C12orf43: variants seen among roughly 807,000 people sequenced by gnomAD.
The protein encoded by C12orf43 is chromosome 12 open reading frame 43, also known as protein CUSTOS.
Under a neutral mutation model 20.6 loss-of-function variants are expected in C12orf43, and 15 were observed. The ratio of observed to expected loss-of-function variants is 0.73; its 90% CI spans 0.49 to 1.12. The LOEUF (loss-of-function observed/expected upper bound fraction) is 1.12. Among genes scored for constraint, C12orf43 ranks in the 50% most tolerant of loss-of-function variants. The probability of loss-of-function intolerance (pLI) is 0.00; values close to 1 mark genes in which losing one functional copy is unlikely to be tolerated. For synonymous variants in C12orf43, 144 were observed against 130.8 expected (o/e 1.10, Z -0.69); for missense variants, 334 against 344.4 (o/e 0.97, Z 0.24).
Position 121,003,968 on chromosome 12 carries a change from A to T in C12orf43, c.*185T>A. 1 of 661,686 alleles carries T rather than the reference A, an allele frequency of 1.5e-6. No homozygotes were observed. The highest frequency in any genetic ancestry group is 2.7e-5 in the East Asian group (1 of 37,174). The allele number at this position is 661,686 out of a possible 1,614,324, so 41.0% of individuals were successfully genotyped here. A position where few individuals can be genotyped will look rare whatever the true frequency, so the allele number is the denominator to read the frequency against. ...GCCTTGATTGGTCTTCTCACCCTAC[A>T]GCCACTTTTTTGGCCCAACTCTCGA... On this transcript the variant is annotated 3_prime_UTR_variant, in exon 6 of 6. Coordinates refer to ENST00000288757, the MANE Select transcript of C12orf43 (RefSeq NM_022895.3).
intron 3 of C12orf43, among the ~76,000 whole-genome samples, chr12:121,010,369 A>G (rs551828559): frequency 6.6e-6 from 1 of 152,310 alleles, no homozygotes; most frequent in African/African-American, 2.4e-5. Context: ...TTTGAGGCCC[A>G]ATTCTGTTCC....
intron 3 of C12orf43, among the ~76,000 whole-genome samples, chr12:121,007,892 C>T (rs923006141): frequency 2.0e-5 from 3 of 152,044 alleles, no homozygotes; most frequent in African/African-American, 4.8e-5. Context: ...CTTGACCCCA[C>T]ACAGTGGTTC....
In C12orf43 at chr12:121,011,094, T is replaced by C. The variant is rs756935269; in HGVS notation, c.188+10A>G. 15 of 1,613,712 alleles carry C rather than the reference T, an allele frequency of 9.3e-6. No individual in the cohort carries two copies. In the African/African-American group the frequency reaches 1.9e-4, roughly 20 times the overall value. ...GAATAAGTGAAACTTGAACCCAAAG[T>C]GCATAGTACCTGAGGCTCGGTTGGG... On this transcript the variant is annotated intron_variant, in intron 2 of 5. Transcript: ENST00000288757.
At chr12:121,006,038 G>A (rs1316457125) in intron 4 of C12orf43, 16 of 328,902 alleles carry the variant, frequency 4.9e-5, no homozygotes, top group African/African-American at 3.2e-4. Context: ...GCAACATAGC[G>A]AGATCCTGTC....
Position 121,002,277 on chromosome 12 carries a change from G to A in C12orf43, c.*1876C>T. 1 of 442,114 alleles carries A rather than the reference G, an allele frequency of 2.3e-6. No homozygotes were observed. Among genetic ancestry groups the A allele is most frequent in the African/African-American group, 2.0e-5 (1 of 50,776 alleles). 27.4% of individuals were successfully genotyped at this position (442,114 alleles called of 1,614,324 possible). On this transcript the variant is annotated 3_prime_UTR_variant, in exon 6 of 6. Transcript: ENST00000288757. ...GAGGGCAGTTCGCAGCCACCCTGAG[G>A]AGTCTGAGGTCCTGAGCACTGCCAG...
intron 1 of C12orf43, among the ~76,000 whole-genome samples, chr12:121,015,300 G>A (rs1868803678): frequency 6.6e-6 from 1 of 152,176 alleles, no homozygotes; most frequent in Non-Finnish European, 1.5e-5. Context: ...CTACCTACAG[G>A]AAGTGCAGTA....
intron 1 of C12orf43, among the ~76,000 whole-genome samples, chr12:121,013,814 A>G (rs1347795895): frequency 6.6e-6 from 1 of 152,262 alleles, no homozygotes; most frequent in Non-Finnish European, 1.5e-5. Flanking sequence ...CTTGGGAGTC[A>G]GGTAGGCCTG....
rs1877604281 is a variant in C12orf43, at chr12:121,002,769, A to T, written c.*1384T>A. 1 of 254,088 alleles carries T rather than the reference A, an allele frequency of 3.9e-6. No individual in the cohort carries two copies. Among genetic ancestry groups the T allele is most frequent in the Non-Finnish European group, 7.8e-6 (1 of 127,604 alleles). 15.7% of individuals were successfully genotyped at this position (254,088 alleles called of 1,614,324 possible). A position where few individuals can be genotyped will look rare whatever the true frequency, so the allele number is the denominator to read the frequency against. On this transcript the variant is annotated 3_prime_UTR_variant, in exon 6 of 6. Transcript: ENST00000288757. ...CCAGGCTGGACTGCAGTGGCATTAT[A>T]CAGCTCACTGCAGCCTTGAACTCCT... is the stretch of plus-strand genomic sequence containing the variant.
intron 1 of C12orf43, among the ~76,000 whole-genome samples, chr12:121,012,226 G>A (rs1868437722): frequency 6.6e-6 from 1 of 152,184 alleles, no homozygotes; most frequent in Non-Finnish European, 1.5e-5. Flanking sequence ...ATCTGCAAAG[G>A]CCCTGAGACT....
At chr12:121,013,252 A>G (rs1039031892) in intron 1 of C12orf43, among the ~76,000 whole-genome samples, 2 of 152,138 alleles carry the variant, frequency 1.3e-5, no homozygotes, top group South Asian at 4.1e-4. Flanking sequence ...TTCAGCACAT[A>G]ATCACTTGGA....
chr12:121,010,727 TGCCACCGTGCCA>T, intron 3 of C12orf43, 89 bp downstream of exon 3: 1 of 821,952 alleles, frequency 1.2e-6, no homozygotes, highest in Non-Finnish European at 1.8e-6. Flanking sequence ...GCCAGGTGCC[TGCCACCGTGCCA>T]GCCTGGACAC....
intron 1 of C12orf43, among the ~76,000 whole-genome samples, chr12:121,012,849 TAAAAAAAAAA>T (rs10636003): frequency 5.4e-5 from 5 of 92,000 alleles, no homozygotes; most frequent in South Asian, 3.2e-4. Flanking sequence ...AGACTCCGTC[TAAAAAAAAAA>T]AAAAAAAAAA....
In C12orf43 at chr12:121,003,223, C is replaced by T. The variant is rs878996753; in HGVS notation, c.*930G>A. On this transcript the variant is annotated 3_prime_UTR_variant, in exon 6 of 6. Transcript: ENST00000288757. ...TGTATTTTTAGTAGAGATGGGGTCT[C>T]GCCATGTTGGCCAGGCTGGTCTCAA... The T allele has an allele frequency of 2.6e-5, 4 of 152,042 alleles. No homozygotes were observed. Among genetic ancestry groups the T allele is most frequent in the African/African-American group, 4.8e-5 (2 of 41,376 alleles). 9.4% of individuals were successfully genotyped at this position (152,042 alleles called of 1,614,324 possible).
Position 121,006,273 on chromosome 12 carries a change from C to T in C12orf43, c.361+48G>A, listed in dbSNP as rs1447056290. ...ACTGTTTCGCCCACCTCCAGACACA[C>T]ATTAGGTGCTTAATAAATGATAGCT... On this transcript the variant is annotated intron_variant, in intron 4 of 5. Coordinates refer to ENST00000288757, the MANE Select transcript of C12orf43 (RefSeq NM_022895.3). 4.0e-6 allele frequency: 6 copies of T among 1,500,004 alleles called. No homozygotes were observed. In the Admixed American group the frequency reaches 8.4e-5, roughly 21 times the overall value. The allele number at this position is 1,500,004 out of a possible 1,614,324, so 92.9% of individuals were successfully genotyped here. A position where few individuals can be genotyped will look rare whatever the true frequency, so the allele number is the denominator to read the frequency against.
intron 1 of C12orf43, chr12:121,012,364 A>G (rs1327265280): frequency 1.0e-5 from 7 of 701,918 alleles, no homozygotes; most frequent in Non-Finnish European, 1.6e-5. Flanking sequence ...ACGTGGGCCA[A>G]TGGGAGGACC....
intron 3 of C12orf43, among the ~76,000 whole-genome samples, chr12:121,008,413 G>C (rs1592914482): frequency 6.6e-6 from 1 of 152,222 alleles, no homozygotes. Flanking sequence ...GGGATCAGAG[G>C]CATGAGCTGC....
At chr12:121,012,302 C>A in intron 1 of C12orf43, 1 of 681,954 alleles carries the variant, frequency 1.5e-6, no homozygotes, top group Non-Finnish European at 2.7e-6. Flanking sequence ...CCCAGTAAAC[C>A]GGGAGCAGCA....
intron 1 of C12orf43, 186 bp downstream of exon 1, chr12:121,016,144 T>C: frequency 1.1e-6 from 1 of 908,992 alleles, no homozygotes. Context: ...CTTCCCCGAC[T>C]GGAATAATGA....
chr12:121,009,972 C>T (rs1878321405), intron 3 of C12orf43, among the ~76,000 whole-genome samples: 2 of 152,204 alleles, frequency 1.3e-5, no homozygotes, highest in Non-Finnish European at 2.9e-5. Context: ...ATGTTCCTCT[C>T]TTACTCTCAT....
Sources: allele counts gnomAD v4.1 joint callset (sites outside exome capture counted in the v4.1 genomes callset), GRCh38; gene constraint gnomAD v4.1.1; transcripts MANE v1.5; gene names NCBI Gene and HGNC (gene_info 2026-07-23, HGNC 2026-07-21).